SPAM1: variants seen among roughly 807,000 people sequenced by gnomAD.
The protein encoded by SPAM1 is hyaluronidase PH-20.
In SPAM1, 22 loss-of-function variants were observed where a neutral mutation model predicts 29.6. That is an observed-to-expected ratio of 0.74 (90% CI 0.53 to 1.06). SPAM1 has a LOEUF of 1.06. SPAM1 is among the 50% of genes least tolerant of loss of function. The pLI, the probability that SPAM1 is intolerant of heterozygous loss-of-function variation, is 0.00. For synonymous variants in SPAM1, 194 were observed against 204.6 expected (o/e 0.95, Z 0.44); for missense variants, 534 against 604.0 (o/e 0.88, Z 1.21).
At position 123,935,806 on chromosome 7, in the gene SPAM1, G is replaced by T. The variant is rs557056679; in HGVS notation, c.-319+10454G>T. 2.0e-5 allele frequency among the ~76,000 whole-genome samples: 3 copies of T among 152,148 alleles called. No individual in the cohort carries two copies. The East Asian group carries it at 5.8e-4, about 29-fold the overall frequency. On this transcript the variant is annotated intron_variant, in intron 1 of 4. Coordinates refer to ENST00000682466, the MANE Select transcript of SPAM1 (RefSeq NM_153189.3). ...ATACAAATATATAACTGATAGAAAA[G>T]GTTCATAAAACAATACTCACCCTTA...
Position 123,969,778 on chromosome 7 carries a change from CTTTT to C in SPAM1, c.1486-411_1486-408del, listed in dbSNP as rs34864162. On this transcript the variant is annotated intron_variant, in intron 5 of 6. Transcript: ENST00000340011. ...CAGGATTGTTTTGGCTATTTGGGCT[CTTTT>C]TTTTTTTTGACTCACCCAGATTTTA... Among the ~76,000 whole-genome samples the C allele has an allele frequency of 1.2e-4, 17 of 140,490 alleles. No individual in the cohort carries two copies. The East Asian group carries it at 3.5e-3, about 29-fold the overall frequency. The allele number at this position is 140,490 out of a possible 152,430, so 92.2% of individuals were successfully genotyped here.
intron 5 of SPAM1, among the ~76,000 whole-genome samples, chr7:123,966,313 CT>C (rs1289862774): frequency 6.6e-6 from 1 of 152,090 alleles, no homozygotes; most frequent in African/African-American, 2.4e-5. Flanking sequence ...CATGTTTACA[CT>C]GTTGGGGAGT....
chr7:123,960,685 C>G (rs947375956), downstream of SPAM1, among the ~76,000 whole-genome samples: 13 of 151,776 alleles, frequency 8.6e-5, no homozygotes, highest in South Asian at 2.1e-4. Flanking sequence ...CCCCATACCC[C>G]CCTAGAAACA....
chr7:123,943,142 A>T (rs1808478454), intron 1 of SPAM1, among the ~76,000 whole-genome samples: 1 of 152,184 alleles, frequency 6.6e-6, no homozygotes, highest in Admixed American at 6.5e-5. Flanking sequence ...AAAAAGTAAT[A>T]AAAGGATTTA....
chr7:123,949,515 A>G (rs1227464769), intron 1 of SPAM1, among the ~76,000 whole-genome samples: 1 of 152,138 alleles, frequency 6.6e-6, no homozygotes, highest in African/African-American at 2.4e-5. Context: ...TGATATCTGC[A>G]TACATTCTTT....
rs538062453 is a variant in SPAM1 at position 123,941,075 on chromosome 7, A to C, written c.-318-8797A>C. On this transcript the variant is annotated intron_variant, in intron 1 of 4. Coordinates refer to ENST00000682466, the MANE Select transcript of SPAM1 (RefSeq NM_153189.3). Reference sequence around the variant, plus strand: ...CTATGTTTCAAAAGAGTAATTAAATAAAATTTTATTTTGGGAACTGCTCTT... The same window carrying C: ...CTATGTTTCAAAAGAGTAATTAAATCAAATTTTATTTTGGGAACTGCTCTT... Among the ~76,000 whole-genome samples, 30 of 152,334 alleles carry C rather than the reference A, an allele frequency of 2.0e-4. No individual in the cohort carries two copies. The South Asian group carries it at 6.2e-3, about 32-fold the overall frequency.
intron 1 of SPAM1, among the ~76,000 whole-genome samples, chr7:123,948,449 G>A (rs1808656401): frequency 6.6e-6 from 1 of 152,114 alleles, no homozygotes; most frequent in South Asian, 2.1e-4. Flanking sequence ...CCCACATTAT[G>A]TACAGAAGTA....
intron 5 of SPAM1, among the ~76,000 whole-genome samples, chr7:123,969,541 G>A (rs1276179970): frequency 1.3e-5 from 2 of 151,998 alleles, no homozygotes; most frequent in African/African-American, 2.4e-5. Flanking sequence ...TTATTGAAAA[G>A]GGTGTCTTTT....
At chr7:123,969,996 A>G (rs12706564) in intron 5 of SPAM1, among the ~76,000 whole-genome samples, 21,324 of 151,910 alleles carry the variant, frequency 0.14, 1,521 homozygotes, top group African/African-American at 0.15. Context: ...TGGTGGTCGT[A>G]GGAATTAATA....
chr7:123,932,511 A>G (rs1429628315), intron 1 of SPAM1: 1 of 152,706 alleles, frequency 6.5e-6, no homozygotes, highest in Non-Finnish European at 1.5e-5. Context: ...GAGCTGGTTG[A>G]ACCATTACTC....
intron 1 of SPAM1, among the ~76,000 whole-genome samples, chr7:123,947,986 A>T (rs1329085161): frequency 1.3e-5 from 2 of 152,154 alleles, no homozygotes; most frequent in Non-Finnish European, 2.9e-5. Context: ...AAAGGAGAGG[A>T]ATAATTTGAC....
chr7:123,928,313 A>G (rs1385200767), intron 1 of SPAM1, among the ~76,000 whole-genome samples: 5 of 152,202 alleles, frequency 3.3e-5, no homozygotes, highest in South Asian at 2.1e-4. Context: ...TTAAGACTGC[A>G]TCCTCTTCAG....
chr7:123,956,512 A>G (rs1792251304), intron 4 of SPAM1, among the ~76,000 whole-genome samples: 2 of 152,084 alleles, frequency 1.3e-5, no homozygotes, highest in South Asian at 4.1e-4. Context: ...GTTCCATTTT[A>G]TTATATCTGG....
intron 1 of SPAM1, among the ~76,000 whole-genome samples, chr7:123,927,874 G>A (rs1485843654): frequency 6.6e-6 from 1 of 152,108 alleles, no homozygotes; most frequent in African/African-American, 2.4e-5. Context: ...TAAATGCAAA[G>A]ATAAATTTTG....
chr7:123,952,609 C>T (rs1453564065), intron 2 of SPAM1, among the ~76,000 whole-genome samples: 1 of 152,086 alleles, frequency 6.6e-6, no homozygotes, highest in Non-Finnish European at 1.5e-5. Flanking sequence ...CACTTTGTCA[C>T]AATCAGAATC....
intron 5 of SPAM1, among the ~76,000 whole-genome samples, chr7:123,966,964 GT>G (rs1792433675): frequency 6.6e-6 from 1 of 151,896 alleles, no homozygotes; most frequent in African/African-American, 2.4e-5. Context: ...TAGGGAATAG[GT>G]TATCAAGGGC....
At chr7:123,962,973 C>T (rs918027613), downstream of SPAM1, among the ~76,000 whole-genome samples, 3 of 151,746 alleles carry the variant, frequency 2.0e-5, no homozygotes, top group Non-Finnish European at 4.4e-5. Context: ...CCACATCATG[C>T]CATGATACCA....
At chr7:123,930,297 G>A (rs868331824) in intron 1 of SPAM1, among the ~76,000 whole-genome samples, 1 of 151,988 alleles carries the variant, frequency 6.6e-6, no homozygotes, top group African/African-American at 2.4e-5. Context: ...ATTGTAAGTA[G>A]GATCTCCAAG....
intron 1 of SPAM1, among the ~76,000 whole-genome samples, chr7:123,931,920 C>G (rs1808094371): frequency 1.3e-5 from 2 of 152,140 alleles, no homozygotes; most frequent in African/African-American, 2.4e-5. Context: ...CAAACTCCAG[C>G]CCAATGAGGA....
Sources: allele counts gnomAD v4.1 joint callset (sites outside exome capture counted in the v4.1 genomes callset), GRCh38; gene constraint gnomAD v4.1.1; transcripts MANE v1.5; gene names NCBI Gene and HGNC (gene_info 2026-07-23, HGNC 2026-07-21).